NR2F1-AS1: variants seen among roughly 807,000 people sequenced by gnomAD.
The protein encoded by NR2F1-AS1 is NR2F1 antisense RNA 1.
chr5:93,565,250 TG>T (rs1179698047), intron 1 of NR2F1-AS1, among the ~76,000 whole-genome samples: 6 of 152,126 alleles, frequency 3.9e-5, no homozygotes, highest in Non-Finnish European at 7.4e-5. Flanking sequence ...CTGAAAAAAA[TG>T]TTTTAATTAC....
chr5:93,445,037 AC>A (rs565448907), intron 4 of NR2F1-AS1, among the ~76,000 whole-genome samples: 97 of 152,358 alleles, frequency 6.4e-4, no homozygotes, highest in African/African-American at 2.1e-3. Context: ...AATCTCTGGG[AC>A]ACTTTTAAAG....
At chr5:93,463,701 C>A (rs1750154199) in intron 4 of NR2F1-AS1, among the ~76,000 whole-genome samples, 1 of 152,198 alleles carries the variant, frequency 6.6e-6, no homozygotes, top group South Asian at 2.1e-4. Flanking sequence ...ATCAGCATGA[C>A]CTGAATGCAA....
intron 4 of NR2F1-AS1, among the ~76,000 whole-genome samples, chr5:93,414,950 C>A (rs1333270276): frequency 2.0e-5 from 3 of 151,994 alleles, no homozygotes; most frequent in East Asian, 3.9e-4. Context: ...CAAGGAATGC[C>A]CTTAAAGAGA....
At chr5:93,483,090 G>C (rs888219297) in intron 4 of NR2F1-AS1, among the ~76,000 whole-genome samples, 5 of 152,164 alleles carry the variant, frequency 3.3e-5, no homozygotes, top group African/African-American at 4.8e-5. Context: ...CACAGCGCTC[G>C]ATCTCTGCTA....
At chr5:93,425,133 T>C (rs1399419414) in intron 4 of NR2F1-AS1, among the ~76,000 whole-genome samples, 2 of 152,186 alleles carry the variant, frequency 1.3e-5, no homozygotes, top group African/African-American at 4.8e-5. Context: ...GCTGGGCAGT[T>C]AGTTCCGTCC....
intron 4 of NR2F1-AS1, among the ~76,000 whole-genome samples, chr5:93,540,525 T>A (rs1751926825): frequency 6.6e-6 from 1 of 152,188 alleles, no homozygotes; most frequent in Non-Finnish European, 1.5e-5. Context: ...ATCCATTTAC[T>A]TTTCTGACAT....
chr5:93,513,581 C>T (rs1441013723), intron 4 of NR2F1-AS1, among the ~76,000 whole-genome samples: 1 of 152,128 alleles, frequency 6.6e-6, no homozygotes, highest in African/African-American at 2.4e-5. Flanking sequence ...TATATTCTCA[C>T]TTATAAGTGG....
intron 4 of NR2F1-AS1, among the ~76,000 whole-genome samples, chr5:93,518,087 G>C (rs1308050346): frequency 6.6e-6 from 1 of 151,998 alleles, no homozygotes; most frequent in Non-Finnish European, 1.5e-5. Flanking sequence ...GTGCCACTGT[G>C]CCCACCTTCT....
chr5:93,562,763 G>C (rs2149920846), intron 2 of NR2F1-AS1, among the ~76,000 whole-genome samples: 1 of 152,204 alleles, frequency 6.6e-6, no homozygotes, highest in South Asian at 2.1e-4. Context: ...AATTATTATG[G>C]ATAGTAATTG....
intron 4 of NR2F1-AS1, among the ~76,000 whole-genome samples, chr5:93,482,521 G>A (rs561977877): frequency 4.7e-4 from 72 of 152,076 alleles, no homozygotes; most frequent in Middle Eastern, 3.4e-3. Flanking sequence ...AAAACTGGGC[G>A]GCCATTTGGG....
At chr5:93,443,206 T>C (rs1463137546) in intron 4 of NR2F1-AS1, among the ~76,000 whole-genome samples, 1 of 152,108 alleles carries the variant, frequency 6.6e-6, no homozygotes, top group East Asian at 1.9e-4. Flanking sequence ...CTTTGACGAG[T>C]TGAGAGAAGA....
chr5:93,432,680 G>A (rs753672834), intron 4 of NR2F1-AS1, among the ~76,000 whole-genome samples: 9 of 152,084 alleles, frequency 5.9e-5, no homozygotes, highest in East Asian at 1.9e-4. Context: ...CTGCTGATGC[G>A]TCATAGCTGT....
At chr5:93,424,172 C>G (rs1749147492) in intron 4 of NR2F1-AS1, among the ~76,000 whole-genome samples, 1 of 152,080 alleles carries the variant, frequency 6.6e-6, no homozygotes, top group African/African-American at 2.4e-5. Flanking sequence ...ATCATCTACT[C>G]TCATGACTTC....
intron 4 of NR2F1-AS1, among the ~76,000 whole-genome samples, chr5:93,418,777 T>C (rs949198552): frequency 1.3e-5 from 2 of 152,148 alleles, no homozygotes; most frequent in Non-Finnish European, 2.9e-5. Flanking sequence ...CCAACTCTCT[T>C]GGCCACAGCA....
chr5:93,576,505 T>C (rs903968785), intron 1 of NR2F1-AS1, among the ~76,000 whole-genome samples: 1 of 151,986 alleles, frequency 6.6e-6, no homozygotes, highest in Non-Finnish European at 1.5e-5. Context: ...AATAAATATA[T>C]CTTTCCACTG....
chr5:93,502,364 G>T (rs1021043852), intron 4 of NR2F1-AS1, among the ~76,000 whole-genome samples: 12 of 152,002 alleles, frequency 7.9e-5, no homozygotes, highest in African/African-American at 1.7e-4. Flanking sequence ...CCCCAAAAAA[G>T]GTATATAGCT....
chr5:93,491,631 G>A (rs182958595), intron 4 of NR2F1-AS1, among the ~76,000 whole-genome samples: 1 of 152,124 alleles, frequency 6.6e-6, no homozygotes, highest in Admixed American at 6.5e-5. Context: ...ATATGGGCAG[G>A]TATCTTCCAA....
intron 4 of NR2F1-AS1, among the ~76,000 whole-genome samples, chr5:93,478,516 G>A (rs528027490): frequency 6.6e-6 from 1 of 152,100 alleles, no homozygotes; most frequent in African/African-American, 2.4e-5. Flanking sequence ...CAATTATCCT[G>A]CTTCAGCCTC....
chr5:93,567,247 C>T lies in NR2F1-AS1; in HGVS notation n.314-3784G>A, dbSNP rs79600623. Reference sequence around the variant, plus strand: ...ACACCTTTTTTTTTCCTGGGTTAAACGGAATCCTTACAAATTAGGGAAAAT... The same window carrying T: ...ACACCTTTTTTTTTCCTGGGTTAAATGGAATCCTTACAAATTAGGGAAAAT... On this transcript the variant is annotated intron_variant and non_coding_transcript_variant, in intron 1 of 5. Transcript: ENST00000660523. 9.5e-4 allele frequency among the ~76,000 whole-genome samples: 144 copies of T among 151,844 alleles called. 2 individuals carry two copies. In the East Asian group the frequency reaches 0.023, roughly 25 times the overall value.
Sources: gnomAD v4.1 joint callset for allele counts (sites outside exome capture counted in the v4.1 genomes callset) on GRCh38, gnomAD v4.1.1 for gene constraint, MANE v1.5 for transcripts, NCBI Gene and HGNC (gene_info 2026-07-23, HGNC 2026-07-21) for gene names.